Variants in SRBD1 observed in about 807,000 individuals in gnomAD.
SRBD1 encodes S1 RNA binding domain 1, also known as S1 RNA-binding domain-containing protein 1.
SRBD1 carries 88 observed loss-of-function variants against 115.3 expected under a neutral mutation model. The observed-to-expected ratio is 0.76, with a 90% confidence interval of 0.64 to 0.91. The LOEUF (loss-of-function observed/expected upper bound fraction) is 0.91. Ranked by LOEUF, SRBD1 falls within the 40% of genes least tolerant of loss-of-function variation. The probability of loss-of-function intolerance (pLI) is 0.00; values close to 1 mark genes in which losing one functional copy is unlikely to be tolerated. For missense variants in SRBD1, 1,385 were observed against 1,177.4 expected, an observed-to-expected ratio of 1.18 and a Z score of -2.58; for synonymous variants, 509 against 407.7, an observed-to-expected ratio of 1.25 and a Z score of -2.99.
At chr2:45,525,625 G>C (rs1415474872) in intron 14 of SRBD1, among the ~76,000 whole-genome samples, 1 of 151,960 alleles carries the variant, frequency 6.6e-6, no homozygotes, top group Non-Finnish European at 1.5e-5. Flanking sequence ...AATGCAGATA[G>C]ACGTTAATTA....
chr2:45,429,774 T>C lies in SRBD1; in HGVS notation c.2050-9880A>G, dbSNP rs1205810483. On this transcript the variant is annotated intron_variant, in intron 16 of 20. Coordinates refer to ENST00000263736, the MANE Select transcript of SRBD1 (RefSeq NM_018079.5). ...CTCACCACTCCTATTCAACATAGTA[T>C]TGGAAGTTCTGGCCACGGCAATCAG... Among the ~76,000 whole-genome samples the C allele has an allele frequency of 2.0e-5, 3 of 152,174 alleles. No homozygotes were observed. In the East Asian group the frequency reaches 5.8e-4, roughly 29 times the overall value.
intron 14 of SRBD1, among the ~76,000 whole-genome samples, chr2:45,544,741 A>G (rs747473882): frequency 1.3e-4 from 20 of 152,234 alleles, no homozygotes; most frequent in Non-Finnish European, 2.4e-4. Flanking sequence ...CTAATTTCAC[A>G]GCACTTTTAA....
At chr2:45,561,884 AT>A (rs1462702695) in intron 10 of SRBD1, among the ~76,000 whole-genome samples, 8 of 152,248 alleles carry the variant, frequency 5.3e-5, no homozygotes, top group African/African-American at 9.6e-5. Flanking sequence ...TGCAACATTT[AT>A]CCCCACATAC....
At chr2:45,427,298 G>A (rs1240095374) in intron 16 of SRBD1, among the ~76,000 whole-genome samples, 1 of 152,152 alleles carries the variant, frequency 6.6e-6, no homozygotes, top group East Asian at 1.9e-4. Flanking sequence ...AAATGTAAAT[G>A]TGCTAAATGC....
At chr2:45,504,232 T>C (rs1670728013) in intron 14 of SRBD1, among the ~76,000 whole-genome samples, 1 of 152,120 alleles carries the variant, frequency 6.6e-6, no homozygotes, top group African/African-American at 2.4e-5. Flanking sequence ...CATTCTCCCT[T>C]TTCCACGTGC....
chr2:45,440,543 T>A (rs1169804092), intron 16 of SRBD1, among the ~76,000 whole-genome samples: 1 of 152,200 alleles, frequency 6.6e-6, no homozygotes, highest in African/African-American at 2.4e-5. Flanking sequence ...GGCTAAAACA[T>A]AGTTCTGGCT....
intron 2 of SRBD1, among the ~76,000 whole-genome samples, chr2:45,604,998 A>G (rs13019517): frequency 0.11 from 16,032 of 152,230 alleles, 888 homozygotes; most frequent in Middle Eastern, 0.14. Flanking sequence ...TAAAAATCCT[A>G]CAAGAAAAAA....
At chr2:45,524,601 T>G (rs2103964820) in intron 14 of SRBD1, among the ~76,000 whole-genome samples, 1 of 152,108 alleles carries the variant, frequency 6.6e-6, no homozygotes, top group Non-Finnish European at 1.5e-5. Flanking sequence ...AGTATCGAAC[T>G]TATACTCTGA....
chr2:45,485,586 T>C (rs1322973405), intron 15 of SRBD1, among the ~76,000 whole-genome samples: 1 of 152,210 alleles, frequency 6.6e-6, no homozygotes, highest in Non-Finnish European at 1.5e-5. Context: ...TGTGGGGGAA[T>C]ATAAGCATAT....
intron 16 of SRBD1, among the ~76,000 whole-genome samples, chr2:45,426,902 CA>C: frequency 6.6e-6 from 1 of 152,264 alleles, no homozygotes; most frequent in African/African-American, 2.4e-5. Flanking sequence ...AAAACCAGCA[CA>C]AAAAGGCTGA....
chr2:45,437,356 T>TA (rs1366706811), intron 16 of SRBD1, among the ~76,000 whole-genome samples: 7 of 50,594 alleles, frequency 1.4e-4, no homozygotes, highest in Admixed American at 1.9e-4. Flanking sequence ...CAGTATTGGT[T>TA]TAAAAAAAAA....
chr2:45,439,345 C>T (rs1188352261), intron 16 of SRBD1, among the ~76,000 whole-genome samples: 2 of 145,384 alleles, frequency 1.4e-5, no homozygotes, highest in Non-Finnish European at 3.0e-5. Flanking sequence ...AAAAGTAAAA[C>T]ATGGTATTCT....
At chr2:45,421,845 T>C (rs952982564) in intron 16 of SRBD1, among the ~76,000 whole-genome samples, 9 of 152,174 alleles carry the variant, frequency 5.9e-5, no homozygotes, top group African/African-American at 1.2e-4. Context: ...TATTGGTAAC[T>C]AGCCAGGCCG....
At chr2:45,430,971 G>T (rs909254666) in intron 16 of SRBD1, among the ~76,000 whole-genome samples, 6 of 152,134 alleles carry the variant, frequency 3.9e-5, no homozygotes, top group Non-Finnish European at 8.8e-5. Flanking sequence ...CCATCAAAAA[G>T]TGGGTGAAGG....
chr2:45,523,606 A>C (rs4542897), intron 14 of SRBD1, among the ~76,000 whole-genome samples: 102,431 of 151,532 alleles, frequency 0.68, 35,730 homozygotes, highest in African/African-American at 0.82. Context: ...CTGACAAATT[A>C]CTGGAAAGAC....
At chr2:45,594,732 T>C (rs1003216432) in intron 4 of SRBD1, among the ~76,000 whole-genome samples, 3 of 152,266 alleles carry the variant, frequency 2.0e-5, no homozygotes, top group South Asian at 2.1e-4. Flanking sequence ...CTATGTTCCA[T>C]AGACTAAAAA....
chr2:45,454,555 A>T (rs1163068196), intron 16 of SRBD1, among the ~76,000 whole-genome samples: 1 of 151,870 alleles, frequency 6.6e-6, no homozygotes, highest in Non-Finnish European at 1.5e-5. Context: ...TGTCCAACAA[A>T]TATCAGCAGT....
At chr2:45,473,768 G>C (rs1296663872) in intron 16 of SRBD1, among the ~76,000 whole-genome samples, 1 of 152,152 alleles carries the variant, frequency 6.6e-6, no homozygotes, top group African/African-American at 2.4e-5. Flanking sequence ...AATTTCATAA[G>C]CAGGAATTTA....
intron 15 of SRBD1, among the ~76,000 whole-genome samples, chr2:45,480,070 G>A (rs1572686277): frequency 6.6e-6 from 1 of 152,132 alleles, no homozygotes; most frequent in Non-Finnish European, 1.5e-5. Flanking sequence ...TCACTGTGGA[G>A]ACCTACTGCT....
Sources: gnomAD v4.1 joint callset for allele counts (sites outside exome capture counted in the v4.1 genomes callset) on GRCh38, gnomAD v4.1.1 for gene constraint, MANE v1.5 for transcripts, NCBI Gene and HGNC (gene_info 2026-07-23, HGNC 2026-07-21) for gene names.